Variants in SGPP2 observed in about 807,000 individuals in gnomAD.
SGPP2 encodes the protein sphingosine-1-phosphate phosphatase 2.
Under a neutral mutation model 33.9 loss-of-function variants are expected in SGPP2, and 30 were observed. That is an observed-to-expected ratio of 0.89 (90% confidence interval 0.66 to 1.20). The LOEUF (loss-of-function observed/expected upper bound fraction) is 1.20. SGPP2 is among the 50% of genes most tolerant of loss of function. The pLI, the probability that SGPP2 is intolerant of heterozygous loss-of-function variation, is 0.00. For missense variants in SGPP2, 458 were observed against 532.1 expected (o/e 0.86, Z 1.37); for synonymous variants, 233 against 225.0 (o/e 1.04, Z -0.32).
At chr2:222,435,066 A>C (rs1207148139) in intron 1 of SGPP2, among the ~76,000 whole-genome samples, 1 of 148,498 alleles carries the variant, frequency 6.7e-6, no homozygotes, top group Middle Eastern at 3.6e-3. Flanking sequence ...ATATACACAT[A>C]TACATATATA....
rs555865060 is a variant in SGPP2 at position 222,477,595 on chromosome 2, A to G, written c.378+2869A>G. 4.0e-5 allele frequency among the ~76,000 whole-genome samples: 6 copies of G among 151,524 alleles called. No individual in the cohort carries two copies. The highest frequency in any genetic ancestry group is 2.0e-4 in the Admixed American group (3 of 15,198). On this transcript the variant is annotated intron_variant, in intron 2 of 4. Coordinates refer to ENST00000321276, the MANE Select transcript of SGPP2 (RefSeq NM_152386.4). This position sits in a 1 kb window ranked among gnomAD's most constrained non-coding sequence, Gnocchi z 6.0. ...TATGTATATAGGTGTGTGTATATAT[A>G]TGTGTGTGTGTGTGTTCTAAATCCC... is the stretch of plus-strand genomic sequence containing the variant.
intron 1 of SGPP2, among the ~76,000 whole-genome samples, chr2:222,467,950 G>A (rs1227807986): frequency 1.6e-3 from 41 of 24,870 alleles, no homozygotes; most frequent in Non-Finnish European, 7.0e-3. Flanking sequence ...GCTCTAATCT[G>A]AAAAAAAAAA....
intron 2 of SGPP2, among the ~76,000 whole-genome samples, chr2:222,493,093 A>G (rs1026213341): frequency 1.3e-5 from 2 of 152,174 alleles, no homozygotes; most frequent in Admixed American, 6.5e-5. Flanking sequence ...TTCCAAAGTC[A>G]CTTCCACATT....
chr2:222,446,148 CAG>C (rs1259962971), intron 1 of SGPP2, among the ~76,000 whole-genome samples: 3 of 152,130 alleles, frequency 2.0e-5, no homozygotes, highest in Non-Finnish European at 2.9e-5. Context: ...AATTTTAAAT[CAG>C]GGGGTAGCCT....
intron 2 of SGPP2, among the ~76,000 whole-genome samples, chr2:222,495,837 A>C (rs981247828): frequency 3.3e-5 from 5 of 152,148 alleles, no homozygotes; most frequent in Non-Finnish European, 7.4e-5. Context: ...ACTCTAATTA[A>C]GTTTCTCTCC....
At position 222,558,061 on chromosome 2, in the gene SGPP2, A is replaced by G. The variant is rs1689446500; in HGVS notation, c.649-286A>G. Among the ~76,000 whole-genome samples, 2 of 152,238 alleles carry G rather than the reference A, an allele frequency of 1.3e-5. 1 individual carries two copies. The highest frequency in any genetic ancestry group is 4.1e-4 in the South Asian group (2 of 4,832). ...TAGATTTATATAAGTTTGAAGGACAATGAGATTACAGTTATTCATTAAGAA... is the reference window on the plus strand; with the variant it reads ...TAGATTTATATAAGTTTGAAGGACAGTGAGATTACAGTTATTCATTAAGAA... On this transcript the variant is annotated intron_variant, in intron 4 of 4. Transcript: ENST00000321276.
chr2:222,468,127 A>C (rs1295971271), intron 1 of SGPP2, among the ~76,000 whole-genome samples: 1 of 152,036 alleles, frequency 6.6e-6, no homozygotes, highest in Non-Finnish European at 1.5e-5. Context: ...TGGCGTCTGG[A>C]AGAGGTTGAG....
chr2:222,455,140 C>T (rs1048989278), intron 1 of SGPP2, among the ~76,000 whole-genome samples: 2 of 151,332 alleles, frequency 1.3e-5, no homozygotes, highest in South Asian at 2.1e-4. Context: ...GAGGCCAAGG[C>T]GGGAGGATTG....
Position 222,543,066 on chromosome 2 carries a change from G to A in SGPP2, c.649-15281G>A, listed in dbSNP as rs570710387. Among the ~76,000 whole-genome samples, 6 of 152,240 alleles carry A rather than the reference G, an allele frequency of 3.9e-5. No individual in the cohort carries two copies. The South Asian group carries it at 8.3e-4, about 21-fold the overall frequency. On this transcript the variant is annotated intron_variant, in intron 4 of 4. Coordinates refer to ENST00000321276, the MANE Select transcript of SGPP2 (RefSeq NM_152386.4). ...TATTGGCATCTTGTGGTGAACAGAA[G>A]TTCTTCATTTTAATGTAGTCCAGTT...
intron 3 of SGPP2, among the ~76,000 whole-genome samples, chr2:222,522,974 C>T (rs961906851): frequency 6.6e-6 from 1 of 152,250 alleles, no homozygotes; most frequent in Non-Finnish European, 1.5e-5. Flanking sequence ...TGAGCCACTG[C>T]ACCCAGCCCC....
At chr2:222,463,717 C>A (rs73993561) in intron 1 of SGPP2, among the ~76,000 whole-genome samples, 2,275 of 152,262 alleles carry the variant, frequency 0.015, 54 homozygotes, top group African/African-American at 0.051. Context: ...TATAAAACCA[C>A]CTTGACTTTG....
rs192135940 is a variant in SGPP2 at position 222,445,145 on chromosome 2, A to G, written c.219+20324A>G. Among the ~76,000 whole-genome samples the G allele has an allele frequency of 5.9e-5, 9 of 152,214 alleles. No individual in the cohort carries two copies. In the East Asian group the frequency reaches 1.5e-3, roughly 26 times the overall value. On this transcript the variant is annotated intron_variant, in intron 1 of 4. Coordinates refer to ENST00000321276, the MANE Select transcript of SGPP2 (RefSeq NM_152386.4). Reference sequence around the variant, plus strand: ...CTGTGTAAGGTGAAGATAGTAACTAATTGCTGCTGCTGCTGGAACCTGGCC... The same window carrying G: ...CTGTGTAAGGTGAAGATAGTAACTAGTTGCTGCTGCTGCTGGAACCTGGCC...
intron 4 of SGPP2, among the ~76,000 whole-genome samples, chr2:222,552,845 A>T (rs1379379073): frequency 6.6e-6 from 1 of 152,150 alleles, no homozygotes; most frequent in Non-Finnish European, 1.5e-5. Flanking sequence ...GAGCAACAAG[A>T]GCGAAACTCC....
At chr2:222,499,720 A>G (rs550539473) in intron 2 of SGPP2, among the ~76,000 whole-genome samples, 50 of 152,344 alleles carry the variant, frequency 3.3e-4, no homozygotes, top group Admixed American at 2.9e-3. Context: ...TCCATAGATG[A>G]TGGGCTGGAA....
At chr2:222,440,589 C>G (rs764429402) in intron 1 of SGPP2, among the ~76,000 whole-genome samples, 31 of 152,146 alleles carry the variant, frequency 2.0e-4, no homozygotes, top group Non-Finnish European at 3.5e-4. Flanking sequence ...GATCTGCCCA[C>G]CTCAGCCTCC....
intron 2 of SGPP2, among the ~76,000 whole-genome samples, chr2:222,474,942 G>A (rs906594349): frequency 6.6e-6 from 1 of 152,040 alleles, no homozygotes; most frequent in Admixed American, 6.6e-5. Context: ...TAAGCTGGGG[G>A]ACAGTGGCTG....
chr2:222,442,849 G>A (rs966270326), intron 1 of SGPP2, among the ~76,000 whole-genome samples: 1 of 152,150 alleles, frequency 6.6e-6, no homozygotes, highest in Non-Finnish European at 1.5e-5. Context: ...CCTCAGAGCA[G>A]ACAGTTTTAT....
chr2:222,461,972 A>G (rs1559150247), intron 1 of SGPP2, among the ~76,000 whole-genome samples: 1 of 152,092 alleles, frequency 6.6e-6, no homozygotes, highest in Non-Finnish European at 1.5e-5. Context: ...CCTGTGTGAA[A>G]TGGGTTAGGG....
chr2:222,487,257 G>A (rs1317861051), intron 2 of SGPP2, among the ~76,000 whole-genome samples: 1 of 152,178 alleles, frequency 6.6e-6, no homozygotes, highest in Non-Finnish European at 1.5e-5. Flanking sequence ...ATTTTACCTA[G>A]CCCATGTTTT....
Sources: allele counts gnomAD v4.1 joint callset (sites outside exome capture counted in the v4.1 genomes callset), GRCh38; gene constraint gnomAD v4.1.1; non-coding constraint Gnocchi (gnomAD v3.1); transcripts MANE v1.5; gene names NCBI Gene and HGNC (gene_info 2026-07-23, HGNC 2026-07-21).